ADK: variants seen among roughly 807,000 people sequenced by gnomAD.
The protein encoded by ADK is N6,N6-dimethyladenosine kinase.
Under a neutral mutation model 44.7 loss-of-function variants are expected in ADK, and 24 were observed. The observed-to-expected ratio is 0.54, with a 90% CI of 0.39 to 0.76. The LOEUF is 0.76. ADK is among the 30% of genes least tolerant of loss of function. The pLI is 0.00. For synonymous variants in ADK, 128 were observed against 142.6 expected, an observed-to-expected ratio of 0.90 and a Z score of 0.73; for missense variants, 321 against 425.1, an observed-to-expected ratio of 0.76 and a Z score of 2.15.
chr10:74,395,959 C>A (rs1421060980), intron 5 of ADK, among the ~76,000 whole-genome samples: 2 of 151,980 alleles, frequency 1.3e-5, no homozygotes. Flanking sequence ...TGCAGTGAGC[C>A]GAGATTGTGC....
At chr10:74,568,505 A>T (rs963503879) in intron 7 of ADK, among the ~76,000 whole-genome samples, 2 of 152,174 alleles carry the variant, frequency 1.3e-5, no homozygotes, top group Non-Finnish European at 2.9e-5. Context: ...GATCTTGCAC[A>T]AGAAAGAATT....
At chr10:74,639,922 T>C (rs1246549242) in intron 9 of ADK, among the ~76,000 whole-genome samples, 2 of 152,168 alleles carry the variant, frequency 1.3e-5, no homozygotes, top group Non-Finnish European at 2.9e-5. Context: ...GGGGGTAAGA[T>C]GATTTAGATA....
At chr10:74,262,325 A>C (rs1240542731) in intron 3 of ADK, among the ~76,000 whole-genome samples, 12 of 151,998 alleles carry the variant, frequency 7.9e-5, no homozygotes, top group East Asian at 1.9e-4. Context: ...AAAAAAAAAA[A>C]AAAAACAAAA....
At chr10:74,406,674 T>TTTTTTA (rs57668113) in intron 6 of ADK, among the ~76,000 whole-genome samples, 86,424 of 148,016 alleles carry the variant, frequency 0.58, 26,082 homozygotes, top group Middle Eastern at 0.66. Flanking sequence ...TTGTCTTTTC[T>TTTTTTA]TTTTTATTTT....
chr10:74,643,067 C>G (rs182371854), intron 9 of ADK, among the ~76,000 whole-genome samples: 1 of 151,930 alleles, frequency 6.6e-6, no homozygotes, highest in East Asian at 1.9e-4. Flanking sequence ...GTCTCAAATT[C>G]CTGGCCTCAA....
intron 2 of ADK, among the ~76,000 whole-genome samples, chr10:74,211,810 T>C (rs1203752559): frequency 6.6e-6 from 1 of 152,172 alleles, no homozygotes; most frequent in Non-Finnish European, 1.5e-5. Context: ...CCAGTACAGC[T>C]TAGGTTTATT....
chr10:74,498,416 T>C (rs16931465), intron 6 of ADK, among the ~76,000 whole-genome samples: 4,534 of 152,310 alleles, frequency 0.03, 195 homozygotes, highest in African/African-American at 0.091. Context: ...AGTAAAACCA[T>C]AAGCTGTCTA....
intron 7 of ADK, among the ~76,000 whole-genome samples, chr10:74,581,399 A>G (rs1234725120): frequency 6.6e-6 from 1 of 152,140 alleles, no homozygotes; most frequent in Non-Finnish European, 1.5e-5. Context: ...CCTAGAGGGA[A>G]AAAAAGACTG....
At chr10:74,483,252 C>A (rs1268984069) in intron 6 of ADK, among the ~76,000 whole-genome samples, 2 of 152,218 alleles carry the variant, frequency 1.3e-5, no homozygotes, top group Non-Finnish European at 2.9e-5. Flanking sequence ...AGGCTTACAG[C>A]TTGCACCCTC....
At chr10:74,200,503 A>AG (rs1157794934) in intron 1 of ADK, among the ~76,000 whole-genome samples, 1 of 149,770 alleles carries the variant, frequency 6.7e-6, no homozygotes, top group African/African-American at 2.5e-5. Flanking sequence ...AAAAAAAAAA[A>AG]TAGGTATTCT....
chr10:74,513,759 C>G (rs1848447460), intron 6 of ADK, among the ~76,000 whole-genome samples: 1 of 152,016 alleles, frequency 6.6e-6, no homozygotes, highest in Non-Finnish European at 1.5e-5. Context: ...AGGACTTACT[C>G]CTGTCATTTT....
chr10:74,631,326 G>A (rs1302270000), intron 9 of ADK, among the ~76,000 whole-genome samples: 3 of 150,896 alleles, frequency 2.0e-5, no homozygotes, highest in Non-Finnish European at 4.4e-5. Flanking sequence ...CCAGGCTGGA[G>A]TGCAATGGCG....
chr10:74,231,405 G>A (rs1844757643), intron 3 of ADK, among the ~76,000 whole-genome samples: 1 of 151,788 alleles, frequency 6.6e-6, no homozygotes, highest in African/African-American at 2.4e-5. Context: ...CTCTTTCTAT[G>A]TATGATATTT....
Position 74,176,900 on chromosome 10 carries a change from G to A in ADK, c.66-23864G>A. 1.9e-6 allele frequency: 3 copies of A among 1,610,122 alleles called. No individual in the cohort carries two copies. In the East Asian group the frequency reaches 6.7e-5, roughly 36 times the overall value. On this transcript the variant is annotated intron_variant, in intron 1 of 10. Coordinates refer to ENST00000539909, the MANE Select transcript of ADK (RefSeq NM_006721.4). ...GACGTCAGTCAGGTAACGAGCGGGC[G>A]GCTGCCTTGACTGCTCCGAGCTGGG...
chr10:74,152,777 A>T (rs1841641911), intron 1 of ADK, among the ~76,000 whole-genome samples: 1 of 152,256 alleles, frequency 6.6e-6, no homozygotes, highest in Non-Finnish European at 1.5e-5. Flanking sequence ...AGGAACAGAA[A>T]TAGGAACTAG....
At chr10:74,560,308 C>T (rs1850411634) in intron 7 of ADK, among the ~76,000 whole-genome samples, 1 of 152,020 alleles carries the variant, frequency 6.6e-6, no homozygotes, top group Admixed American at 6.6e-5. Flanking sequence ...GTCCTTTATC[C>T]CTTCTAGCCT....
At chr10:74,405,366 CTTT>C (rs752124653) in intron 6 of ADK, among the ~76,000 whole-genome samples, 1 of 126,292 alleles carries the variant, frequency 7.9e-6, no homozygotes, top group Non-Finnish European at 1.7e-5. Flanking sequence ...GCGGAGGATT[CTTT>C]TTTTTTTTTT....
At chr10:74,702,046 G>A (rs1856435264) in intron 10 of ADK, among the ~76,000 whole-genome samples, 1 of 152,180 alleles carries the variant, frequency 6.6e-6, no homozygotes, top group African/African-American at 2.4e-5. Flanking sequence ...AGAATGGTGA[G>A]GGCTGACTGG....
At chr10:74,238,066 C>T (rs905816160) in intron 3 of ADK, among the ~76,000 whole-genome samples, 1 of 152,100 alleles carries the variant, frequency 6.6e-6, no homozygotes, top group African/African-American at 2.4e-5. Flanking sequence ...TGCACTCCAG[C>T]CTGGGCAACA....
Sources: allele counts gnomAD v4.1 joint callset (sites outside exome capture counted in the v4.1 genomes callset), GRCh38; gene constraint gnomAD v4.1.1; transcripts MANE v1.5; gene names NCBI Gene and HGNC (gene_info 2026-07-23, HGNC 2026-07-21).